The following ADGRF1 variants were observed in gnomAD, a reference collection of about 807,000 sequenced individuals.
The protein encoded by ADGRF1 is adhesion G protein-coupled receptor F1.
A neutral mutation model predicts 87.2 loss-of-function variants in ADGRF1; 85 were observed. The observed-to-expected ratio is 0.97, with a 90% CI of 0.82 to 1.17. The LOEUF (loss-of-function observed/expected upper bound fraction) is 1.17. Among genes scored for constraint, ADGRF1 ranks in the 50% most tolerant of loss-of-function variants. The pLI, the probability that ADGRF1 is intolerant of heterozygous loss-of-function variation, is 0.00. For missense variants in ADGRF1, 1,169 were observed against 1,077.2 expected (o/e 1.09, Z -1.19); for synonymous variants, 430 against 408.8 (o/e 1.05, Z -0.63).
intron 1 of ADGRF1, among the ~76,000 whole-genome samples, chr6:47,032,878 A>G (rs1439844783): frequency 6.6e-6 from 1 of 152,210 alleles, no homozygotes; most frequent in Non-Finnish European, 1.5e-5. Flanking sequence ...GCAATAAAGT[A>G]CATTTTTACA....
rs2113872163 is a variant in ADGRF1, at chr6:47,000,184, G to T, written c.*38C>A. The T allele has an allele frequency of 1.4e-6, 2 of 1,471,762 alleles. No homozygotes were observed. The highest frequency in any genetic ancestry group is 1.9e-6 in the Non-Finnish European group (2 of 1,055,340). 91.2% of individuals were successfully genotyped at this position (1,471,762 alleles called of 1,614,324 possible). On this transcript the variant is annotated 3_prime_UTR_variant, in exon 15 of 15. Transcript: ENST00000371253. ...GACATTTGTCTCTAAATGTCAAGTT[G>T]TTCTGGAAATTTTTTCTTGATTTTA...
At chr6:47,001,593 T>C (rs757904685) in intron 13 of ADGRF1, 26 bp from the exon 14 acceptor site, 61 of 1,577,588 alleles carry the variant, frequency 3.9e-5, no homozygotes, top group Non-Finnish European at 2.8e-5. Context: ...ATAAGTCATT[T>C]GGACATTAAT....
intron 10 of ADGRF1, among the ~76,000 whole-genome samples, chr6:47,011,418 G>T (rs1040640464): frequency 6.6e-6 from 1 of 152,096 alleles, no homozygotes; most frequent in African/African-American, 2.4e-5. Context: ...GATATTTATT[G>T]AACAAATATT....
chr6:47,016,855 G>A (rs763827603), intron 7 of ADGRF1, 87 bp from the exon 8 acceptor site: 5 of 1,403,358 alleles, frequency 3.6e-6, no homozygotes, highest in East Asian at 2.5e-5. Flanking sequence ...CATGCCATGG[G>A]GTCCATAGGA....
intron 4 of ADGRF1, among the ~76,000 whole-genome samples, chr6:47,025,150 T>C (rs1388134867): frequency 6.6e-6 from 1 of 152,286 alleles, no homozygotes; most frequent in East Asian, 1.9e-4. Context: ...GTCGTCTTTT[T>C]TTTTCTTTCA....
chr6:47,003,660 G>T (rs142601272), intron 13 of ADGRF1, among the ~76,000 whole-genome samples: 32 of 152,226 alleles, frequency 2.1e-4, no homozygotes, highest in Non-Finnish European at 2.8e-4. Context: ...CATCTATGAC[G>T]TGGAAGCCCT....
Position 47,008,976 on chromosome 6 carries a change from T to C in ADGRF1, c.2459A>G (p.His820Arg), listed in dbSNP as rs1561866296. 4 of 1,607,728 alleles carry C rather than the reference T, an allele frequency of 2.5e-6. No homozygotes were observed. Among genetic ancestry groups the C allele is most frequent in the Non-Finnish European group, 3.4e-6 (4 of 1,175,508 alleles). Reference sequence around the variant, plus strand: ...TGCATTGAGTAAAGCAAAAATAACATGCCAAGCCAGATTCTGGCTGTCCAC... The same window carrying C: ...TGCATTGAGTAAAGCAAAAATAACACGCCAAGCCAGATTCTGGCTGTCCAC... ...TIVDSQNLAWHVIFALLNAFQ... is the reference protein window; with the variant it reads ...TIVDSQNLAWRVIFALLNAFQ... Residue 820 changes from histidine (H) to arginine (R), a missense_variant, in exon 11 of 15, where the codon CAT (histidine) becomes CGT (arginine). By Grantham distance (29) the His-to-Arg change is conservative. Transcript: ENST00000371253.
At chr6:47,018,780 T>C in intron 7 of ADGRF1, 1 of 295,024 alleles carries the variant, frequency 3.4e-6, no homozygotes, top group Non-Finnish European at 6.5e-6. Context: ...AGAGATTTAT[T>C]TTAAATCATA....
In ADGRF1 at chr6:47,026,023, C is replaced by G; in HGVS notation, c.128-20G>C. Reference sequence around the variant, plus strand: ...CTGGGCCTAAAGAGAGAAAGAGAGTCAGAAACCTTTTTTTCTGTCCTTGGG... The same window carrying G: ...CTGGGCCTAAAGAGAGAAAGAGAGTGAGAAACCTTTTTTTCTGTCCTTGGG... On this transcript the variant is annotated intron_variant, in intron 3 of 14. Coordinates refer to ENST00000371253, the MANE Select transcript of ADGRF1 (RefSeq NM_153840.4). 1.3e-6 allele frequency: 2 copies of G among 1,546,720 alleles called. No homozygotes were observed. Among genetic ancestry groups the G allele is most frequent in the Non-Finnish European group, 1.7e-6 (2 of 1,145,706 alleles).
chr6:47,005,856 GT>G lies in ADGRF1; in HGVS notation c.2552del (p.Asn851ThrfsTer6). 6.2e-7 allele frequency: 1 copy of G among 1,611,950 alleles called. No individual in the cohort carries two copies. The highest frequency in any genetic ancestry group is 8.5e-7 in the Non-Finnish European group (1 of 1,178,818). The stretch of plus-strand genomic sequence containing the variant: ...TCCAAGAACTTAAGGCAGACAACTT[GT>G]TGAACAGAAGTTGTCGCAGCTATAA... ...LDSKLRQLLF[N>X]KLSALSSWKQ... On this transcript the variant is annotated frameshift_variant, in exon 13 of 15. Coordinates refer to ENST00000371253, the MANE Select transcript of ADGRF1 (RefSeq NM_153840.4). LOFTEE classifies it high-confidence loss of function.
chr6:47,016,617 CT>C lies in ADGRF1; in HGVS notation c.762del (p.Ala255ProfsTer53). ...LEDGSFRVFGKAQCNDIVFGF... is the reference protein window; with the variant it reads ...LEDGSFRVFGXAQCNDIVFGF... ...GCAGAGGATGGGAATCCAGCATTACCTTTTCCGAACACTCTGAAAGAGCCGT... is the reference window on the plus strand; with the variant it reads ...GCAGAGGATGGGAATCCAGCATTACCTTTCCGAACACTCTGAAAGAGCCGT... On this transcript the variant is annotated frameshift_variant and splice_region_variant, in exon 8 of 15. Transcript: ENST00000371253. LOFTEE classifies it high-confidence loss of function. 1.9e-6 allele frequency: 3 copies of C among 1,596,372 alleles called. No individual in the cohort carries two copies. The highest frequency in any genetic ancestry group is 1.3e-5 in the African/African-American group (1 of 74,696).
At chr6:47,013,741 G>T in intron 9 of ADGRF1, 1 of 712,820 alleles carries the variant, frequency 1.4e-6, no homozygotes, top group Non-Finnish European at 1.7e-6. Flanking sequence ...GGGCTTGGTG[G>T]GAGATGATTG....
chr6:47,020,146 T>C (rs1417118051), intron 7 of ADGRF1: 7 of 1,092,404 alleles, frequency 6.4e-6, no homozygotes, highest in Non-Finnish European at 7.8e-6. Flanking sequence ...GCCCTACTGC[T>C]ATTGTTTTGT....
At chr6:47,004,969 T>C (rs533813512) in intron 13 of ADGRF1, among the ~76,000 whole-genome samples, 147 of 152,312 alleles carry the variant, frequency 9.7e-4, no homozygotes, top group Middle Eastern at 3.4e-3. Flanking sequence ...GAAGACTTTT[T>C]AATGCCAGAG....
At position 47,000,276 on chromosome 6, in the gene ADGRF1, A is replaced by G. The variant is rs758976803; in HGVS notation, c.2679T>C (p.His893=). 26 of 1,603,244 alleles carry G rather than the reference A, an allele frequency of 1.6e-5. No homozygotes were observed. The highest frequency in any genetic ancestry group is 2.2e-5 in the Non-Finnish European group (26 of 1,172,678). ...LQNKGHYAFS[H]TGDSSDNIML... ...TGATGTTGTCGGAGGAATCTCCAGT[A>G]TGAGAAAATGCATAATGGCCTGAAG... The change falls in exon 15 of 15, where the codon CAT becomes CAC. Residue 893 remains histidine (H), a synonymous_variant. Coordinates refer to ENST00000371253, the MANE Select transcript of ADGRF1 (RefSeq NM_153840.4).
chr6:47,040,467 G>A (rs917267506), intron 1 of ADGRF1, among the ~76,000 whole-genome samples: 21 of 149,250 alleles, frequency 1.4e-4, no homozygotes, highest in East Asian at 2.0e-4. Context: ...GTGAGACTCC[G>A]TCTCAAAAAA....
At chr6:47,003,196 C>G (rs530841006) in intron 13 of ADGRF1, among the ~76,000 whole-genome samples, 40 of 152,220 alleles carry the variant, frequency 2.6e-4, no homozygotes, top group African/African-American at 9.2e-4. Context: ...CCCTTTGGAG[C>G]TCAGACACAA....
chr6:47,025,834 G>A lies in ADGRF1; in HGVS notation c.277+20C>T. The A allele has an allele frequency of 6.4e-7, 1 of 1,563,200 alleles. No homozygotes were observed. Among genetic ancestry groups the A allele is most frequent in the Non-Finnish European group, 8.7e-7 (1 of 1,149,102 alleles). On this transcript the variant is annotated intron_variant, in intron 4 of 14. Coordinates refer to ENST00000371253, the MANE Select transcript of ADGRF1 (RefSeq NM_153840.4). The stretch of plus-strand genomic sequence containing the variant: ...CCCGCCTTCCCCATTTATACATCCA[G>A]TCACCGAGAGCCACCTTACCTGTGG...
chr6:47,016,071 T>C (rs1561871389), intron 8 of ADGRF1, among the ~76,000 whole-genome samples: 1 of 152,186 alleles, frequency 6.6e-6, no homozygotes, highest in Non-Finnish European at 1.5e-5. Flanking sequence ...TCACCATTGC[T>C]GCATTTTAAG....
Sources: allele counts gnomAD v4.1 joint callset (sites outside exome capture counted in the v4.1 genomes callset), GRCh38; gene constraint gnomAD v4.1.1; transcripts MANE v1.5; gene names NCBI Gene and HGNC (gene_info 2026-07-23, HGNC 2026-07-21).